PSPC1: variants seen among roughly 807,000 people sequenced by gnomAD.
PSPC1 encodes the protein paraspeckle protein 1.
PSPC1 carries 14 observed loss-of-function variants against 51.6 expected under a neutral mutation model. The observed-to-expected ratio is 0.27, with a 90% CI of 0.18 to 0.42. PSPC1 has a LOEUF of 0.42. Ranked by LOEUF, PSPC1 falls within the 10% of genes least tolerant of loss-of-function variation. The probability of loss-of-function intolerance (pLI) is 1.00; values close to 1 mark genes in which losing one functional copy is unlikely to be tolerated. For missense variants in PSPC1, 406 were observed against 701.1 expected (o/e 0.58, Z 4.75); for synonymous variants, 193 against 231.9 (o/e 0.83, Z 1.53).
chr13:19,715,995 T>C (rs1191494623), intron 6 of PSPC1, among the ~76,000 whole-genome samples: 3 of 151,822 alleles, frequency 2.0e-5, no homozygotes, highest in Non-Finnish European at 2.9e-5. Context: ...GACTGGGCGA[T>C]ACAGCAAGAC....
intron 3 of PSPC1, among the ~76,000 whole-genome samples, chr13:19,753,691 A>C (rs1204584410): frequency 6.7e-6 from 1 of 149,646 alleles, no homozygotes; most frequent in Non-Finnish European, 1.5e-5. Context: ...TAGGGAGGTG[A>C]GGAGGGGTGG....
intron 5 of PSPC1, chr13:19,736,832 A>C (rs1884889694): frequency 6.6e-6 from 1 of 152,198 alleles, no homozygotes; most frequent in Admixed American, 6.5e-5. Flanking sequence ...AAAATTATGA[A>C]AACCAGGAAT....
chr13:19,750,959 G>A (rs1349762930), intron 4 of PSPC1, among the ~76,000 whole-genome samples: 1 of 151,974 alleles, frequency 6.6e-6, no homozygotes, highest in African/African-American at 2.4e-5. Context: ...AGTAGAGATG[G>A]GGTTTCTCCA....
intron 5 of PSPC1, among the ~76,000 whole-genome samples, chr13:19,740,858 C>T (rs768085411): frequency 4.6e-5 from 7 of 151,722 alleles, no homozygotes; most frequent in Non-Finnish European, 1.0e-4. Flanking sequence ...CCTTTTAACA[C>T]GGAGTCAACT....
chr13:19,689,954 G>C (rs1156303877), intron 6 of PSPC1, among the ~76,000 whole-genome samples: 4 of 151,958 alleles, frequency 2.6e-5, no homozygotes, highest in Non-Finnish European at 5.9e-5. Flanking sequence ...GCAAGCAACT[G>C]AAAAAAAGGA....
At chr13:19,741,676 AT>A in intron 4 of PSPC1, 27 bp from the exon 5 acceptor site, 1 of 1,439,366 alleles carries the variant, frequency 6.9e-7, no homozygotes, top group Non-Finnish European at 9.6e-7. Context: ...GCACATTAAT[AT>A]TTTTAGTTTC....
At chr13:19,725,991 G>C (rs1037646257) in intron 6 of PSPC1, among the ~76,000 whole-genome samples, 2 of 151,778 alleles carry the variant, frequency 1.3e-5, no homozygotes, top group Admixed American at 1.3e-4. Flanking sequence ...CCAATCAAAA[G>C]AAAGAAAAAA....
chr13:19,741,488 ACAACTTGTAACAGGTTG>A, intron 5 of PSPC1, 60 bp downstream of exon 5: 1 of 1,058,186 alleles, frequency 9.5e-7, no homozygotes, highest in Non-Finnish European at 1.4e-6. Flanking sequence ...CTCAACTTAT[ACAACTTGTAACAGGTTG>A]TGGGGAGTTT....
intron 1 of PSPC1, among the ~76,000 whole-genome samples, chr13:19,776,996 T>C (rs1305710631): frequency 6.9e-6 from 1 of 144,274 alleles, no homozygotes; most frequent in Non-Finnish European, 1.5e-5. Flanking sequence ...GCTGGTGTCA[T>C]GCCTGTAATT....
intron 4 of PSPC1, among the ~76,000 whole-genome samples, chr13:19,742,344 C>T (rs1885522078): frequency 1.3e-5 from 2 of 152,028 alleles, no homozygotes; most frequent in South Asian, 4.1e-4. Context: ...TGGCTTGTGC[C>T]TGTAATCCCA....
At chr13:19,687,602 G>A (rs567875877) in intron 6 of PSPC1, among the ~76,000 whole-genome samples, 1 of 152,126 alleles carries the variant, frequency 6.6e-6, no homozygotes, top group South Asian at 2.1e-4. Context: ...CTTTTTAGCA[G>A]CACCAAAATA....
chr13:19,746,482 T>C (rs1397996555), intron 4 of PSPC1, among the ~76,000 whole-genome samples: 1 of 151,970 alleles, frequency 6.6e-6, no homozygotes, highest in Non-Finnish European at 1.5e-5. Context: ...CCTGACACTT[T>C]GGGAGGCTGA....
At chr13:19,770,353 A>G (rs1593765725) in intron 2 of PSPC1, among the ~76,000 whole-genome samples, 1 of 152,200 alleles carries the variant, frequency 6.6e-6, no homozygotes, top group African/African-American at 2.4e-5. Flanking sequence ...ATGAGTACAT[A>G]TGTTTGTTAA....
intron 4 of PSPC1, among the ~76,000 whole-genome samples, chr13:19,746,002 G>GT (rs1389960770): frequency 2.1e-4 from 29 of 136,588 alleles, no homozygotes; most frequent in African/African-American, 3.7e-4. Flanking sequence ...TATTTGTTTT[G>GT]TTTTTTGTTT....
At chr13:19,733,171 A>G (rs549154924) in intron 5 of PSPC1, among the ~76,000 whole-genome samples, 1 of 152,310 alleles carries the variant, frequency 6.6e-6, no homozygotes, top group South Asian at 2.1e-4. Context: ...GGACACATTA[A>G]TCAGTTATAA....
intron 3 of PSPC1, among the ~76,000 whole-genome samples, chr13:19,756,138 T>C (rs1230199947): frequency 6.6e-6 from 1 of 151,666 alleles, no homozygotes; most frequent in Non-Finnish European, 1.5e-5. Context: ...TCAGGGAGGG[T>C]GAGGGACAAG....
At chr13:19,693,472 A>G (rs1311261701) in intron 6 of PSPC1, among the ~76,000 whole-genome samples, 1 of 152,230 alleles carries the variant, frequency 6.6e-6, no homozygotes, top group Non-Finnish European at 1.5e-5. Context: ...CACCAAGCAA[A>G]TATCTAACAA....
intron 6 of PSPC1, among the ~76,000 whole-genome samples, chr13:19,728,437 TAAAC>T (rs1883619692): frequency 1.2e-5 from 1 of 83,760 alleles, no homozygotes; most frequent in South Asian, 4.2e-4. Context: ...TTTCAAAGCT[TAAAC>T]ACACACACAC....
At chr13:19,762,275 A>T (rs1466600768) in intron 2 of PSPC1, among the ~76,000 whole-genome samples, 1 of 152,204 alleles carries the variant, frequency 6.6e-6, no homozygotes, top group Non-Finnish European at 1.5e-5. Flanking sequence ...AAGATCAATC[A>T]GGCTGGGCGT....
Sources: allele counts gnomAD v4.1 joint callset (sites outside exome capture counted in the v4.1 genomes callset), GRCh38; gene constraint gnomAD v4.1.1; transcripts MANE v1.5; gene names NCBI Gene and HGNC (gene_info 2026-07-23, HGNC 2026-07-21).